The following CTNNA3 variants were observed in gnomAD, a reference collection of about 807,000 sequenced individuals.
The protein encoded by CTNNA3 is catenin alpha-3.
CTNNA3 carries 76 observed loss-of-function variants against 95.7 expected under a neutral mutation model. The observed-to-expected ratio is 0.79, with a 90% confidence interval of 0.66 to 0.96. The LOEUF (loss-of-function observed/expected upper bound fraction) is 0.96, where lower values mean the gene tolerates loss of function less well. CTNNA3 is among the 40% of genes least tolerant of loss of function. The pLI is 0.00. For synonymous variants in CTNNA3, 431 were observed against 374.4 expected (o/e 1.15, Z -1.74); for missense variants, 1,191 against 1,089.8 (o/e 1.09, Z -1.31).
chr10:67,604,357 C>T (rs551284813), intron 3 of CTNNA3, among the ~76,000 whole-genome samples: 1 of 152,210 alleles, frequency 6.6e-6, no homozygotes, highest in South Asian at 2.1e-4. Flanking sequence ...TGGTAGAAGC[C>T]AAATCATGAA....
At chr10:67,248,131 G>C (rs1186766404) in intron 5 of CTNNA3, among the ~76,000 whole-genome samples, 1 of 152,084 alleles carries the variant, frequency 6.6e-6, no homozygotes, top group Non-Finnish European at 1.5e-5. Context: ...AAACCAGCCT[G>C]GGCAACATGG....
chr10:66,047,318 G>T lies in CTNNA3; in HGVS notation c.2159+21990C>A, dbSNP rs1217861702. The stretch of plus-strand genomic sequence containing the variant: ...GCTTCATCCCTGGGATGCAAGGTTG[G>T]TTCAACACACACAAATCAATAAATG... On this transcript the variant is annotated intron_variant, in intron 15 of 17. Coordinates refer to ENST00000433211, the MANE Select transcript of CTNNA3 (RefSeq NM_013266.4). Among the ~76,000 whole-genome samples the T allele has an allele frequency of 2.6e-5, 4 of 151,896 alleles. No homozygotes were observed. In the East Asian group the frequency reaches 7.7e-4, roughly 29 times the overall value.
chr10:66,525,912 T>C (rs1841241410), intron 10 of CTNNA3, among the ~76,000 whole-genome samples: 1 of 152,180 alleles, frequency 6.6e-6, no homozygotes, highest in Admixed American at 6.5e-5. Flanking sequence ...CATTTGTTCT[T>C]TTGTGTCTGG....
chr10:67,276,890 T>C (rs1839198419), intron 5 of CTNNA3, among the ~76,000 whole-genome samples: 1 of 151,758 alleles, frequency 6.6e-6, no homozygotes, highest in African/African-American at 2.4e-5. Context: ...TATAAATCTA[T>C]ATATACACAT....
chr10:66,374,788 T>A (rs1449710078), intron 12 of CTNNA3, among the ~76,000 whole-genome samples: 2 of 151,900 alleles, frequency 1.3e-5, no homozygotes, highest in African/African-American at 4.8e-5. Flanking sequence ...CTAATTTTTT[T>A]GTATTTTTTC....
intron 7 of CTNNA3, among the ~76,000 whole-genome samples, chr10:66,951,559 A>G (rs945445893): frequency 6.6e-6 from 1 of 152,200 alleles, no homozygotes; most frequent in African/African-American, 2.4e-5. Context: ...TAGAAATTTT[A>G]AGTAATATAT....
chr10:66,101,710 TAAAC>T (rs1375184587), intron 14 of CTNNA3, among the ~76,000 whole-genome samples: 15 of 152,112 alleles, frequency 9.9e-5, no homozygotes, highest in Admixed American at 2.6e-4. Context: ...TCAAAGTAGA[TAAAC>T]AAACAAAATA....
intron 5 of CTNNA3, among the ~76,000 whole-genome samples, chr10:67,372,405 G>A (rs1264745156): frequency 6.6e-6 from 1 of 151,998 alleles, no homozygotes; most frequent in Admixed American, 6.6e-5. Context: ...ATGAAATGAA[G>A]CGTGAAGAGA....
chr10:66,953,055 AAAC>A, intron 7 of CTNNA3, among the ~76,000 whole-genome samples: 1 of 152,200 alleles, frequency 6.6e-6, no homozygotes, highest in Admixed American at 6.5e-5. Context: ...GCCTACTGAG[AAAC>A]AACTCTAGTG....
intron 7 of CTNNA3, among the ~76,000 whole-genome samples, chr10:66,951,380 T>C (rs982774634): frequency 2.0e-5 from 3 of 152,164 alleles, no homozygotes; most frequent in African/African-American, 7.2e-5. Flanking sequence ...CCTCCCAGAG[T>C]GCTGGGATTA....
chr10:67,566,468 G>A (rs1366567004), intron 3 of CTNNA3, among the ~76,000 whole-genome samples: 1 of 152,092 alleles, frequency 6.6e-6, no homozygotes, highest in Non-Finnish European at 1.5e-5. Context: ...AAACCACAAT[G>A]AGGTACCATC....
chr10:65,952,998 C>G (rs1307817102), intron 17 of CTNNA3, among the ~76,000 whole-genome samples: 1 of 152,136 alleles, frequency 6.6e-6, no homozygotes, highest in Non-Finnish European at 1.5e-5. Context: ...AATGCTGACC[C>G]AAAAGCATGA....
At chr10:66,653,738 C>T (rs1277430759) in intron 9 of CTNNA3, among the ~76,000 whole-genome samples, 1 of 152,028 alleles carries the variant, frequency 6.6e-6, no homozygotes, top group Non-Finnish European at 1.5e-5. Flanking sequence ...CAGTGTGGTA[C>T]TGGCATAAAA....
chr10:66,622,996 A>G (rs1351377922), intron 9 of CTNNA3, among the ~76,000 whole-genome samples: 1 of 152,136 alleles, frequency 6.6e-6, no homozygotes, highest in Non-Finnish European at 1.5e-5. Context: ...TTATTAATGT[A>G]CATGGGGATG....
intron 5 of CTNNA3, among the ~76,000 whole-genome samples, chr10:67,415,045 A>T (rs1255037060): frequency 1.3e-5 from 2 of 152,216 alleles, no homozygotes; most frequent in Non-Finnish European, 2.9e-5. Context: ...CCCACAGCCA[A>T]CATCAGACTG....
chr10:67,442,969 C>T (rs1378881518), intron 5 of CTNNA3, among the ~76,000 whole-genome samples: 1 of 128,902 alleles, frequency 7.8e-6, no homozygotes, highest in Non-Finnish European at 1.6e-5. Context: ...CAACAGTCCC[C>T]AGAGTGTGAT....
At chr10:66,021,061 A>C (rs7098230) in intron 15 of CTNNA3, among the ~76,000 whole-genome samples, 111,300 of 151,992 alleles carry the variant, frequency 0.73, 40,989 homozygotes, top group East Asian at 0.93. Context: ...CCCACAGCTC[A>C]TAAGTATCTC....
rs571998536 is a variant in CTNNA3, at chr10:67,003,633, T to C, written c.1047+176684A>G. On this transcript the variant is annotated intron_variant, in intron 7 of 17. Transcript: ENST00000433211. ...AACTTACTTAACCATGAAACCTATTTCATATTACTTTTTCAAGTGAGTCTT... is the reference window on the plus strand; with the variant it reads ...AACTTACTTAACCATGAAACCTATTCCATATTACTTTTTCAAGTGAGTCTT... Among the ~76,000 whole-genome samples, 26 of 152,272 alleles carry C rather than the reference T, an allele frequency of 1.7e-4. No individual in the cohort carries two copies. The East Asian group carries it at 5.0e-3, about 29-fold the overall frequency.
At chr10:67,694,457 C>G (rs1170006882) in intron 1 of CTNNA3, among the ~76,000 whole-genome samples, 1 of 152,114 alleles carries the variant, frequency 6.6e-6, no homozygotes, top group African/African-American at 2.4e-5. Context: ...ATAGTGTTCT[C>G]TAATCCAACA....
Sources: allele counts gnomAD v4.1 joint callset (sites outside exome capture counted in the v4.1 genomes callset), GRCh38; gene constraint gnomAD v4.1.1; transcripts MANE v1.5; gene names NCBI Gene and HGNC (gene_info 2026-07-23, HGNC 2026-07-21).